Variants in SLC35F1 observed in about 807,000 individuals in gnomAD.
SLC35F1 encodes the protein solute carrier family 35 member F1, also known as chromosome 6 open reading frame 169.
In SLC35F1, 14 loss-of-function variants were observed where a neutral mutation model predicts 48.7. The observed-to-expected ratio is 0.29, with a 90% CI of 0.19 to 0.45. SLC35F1 has a LOEUF of 0.45. Ranked by LOEUF, SLC35F1 falls within the 20% of genes least tolerant of loss-of-function variation. The pLI is 1.00. For missense variants in SLC35F1, 404 were observed against 500.0 expected (o/e 0.81, Z 1.83); for synonymous variants, 190 against 202.2 (o/e 0.94, Z 0.51).
chr6:118,145,026 A>G (rs1422013079), intron 1 of SLC35F1, among the ~76,000 whole-genome samples: 1 of 152,156 alleles, frequency 6.6e-6, no homozygotes, highest in African/African-American at 2.4e-5. Flanking sequence ...TTTTTAGTAT[A>G]TTAGTATTTC....
intron 3 of SLC35F1, among the ~76,000 whole-genome samples, chr6:118,265,655 T>G (rs543891835): frequency 6.6e-6 from 1 of 152,142 alleles, no homozygotes; most frequent in Non-Finnish European, 1.5e-5. Flanking sequence ...GTGGCAGAAG[T>G]GGGAGAGGGT....
chr6:118,269,422 A>G (rs1187127201), intron 4 of SLC35F1, among the ~76,000 whole-genome samples: 2 of 152,176 alleles, frequency 1.3e-5, no homozygotes. Flanking sequence ...AGTACATAGA[A>G]TGATGTTTTA....
intron 1 of SLC35F1, among the ~76,000 whole-genome samples, chr6:118,025,940 G>C (rs1002047396): frequency 3.9e-5 from 6 of 152,162 alleles, no homozygotes; most frequent in Admixed American, 1.3e-4. Flanking sequence ...AACTGTGGTT[G>C]CACCAAATAA....
chr6:117,939,858 C>T (rs1032042945), intron 1 of SLC35F1, among the ~76,000 whole-genome samples: 2 of 152,176 alleles, frequency 1.3e-5, no homozygotes, highest in Non-Finnish European at 2.9e-5. Flanking sequence ...ATCCTTGTTG[C>T]CTGGTGGGGT....
intron 1 of SLC35F1, among the ~76,000 whole-genome samples, chr6:118,038,301 A>C (rs1772163470): frequency 6.6e-6 from 1 of 152,010 alleles, no homozygotes; most frequent in Non-Finnish European, 1.5e-5. Context: ...TTATTCAGTC[A>C]TAGATTTTTT....
intron 1 of SLC35F1, among the ~76,000 whole-genome samples, chr6:117,923,947 CTTTA>C (rs939251431): frequency 6.7e-6 from 1 of 149,712 alleles, no homozygotes; most frequent in Non-Finnish European, 1.5e-5. Flanking sequence ...TAGATTGACA[CTTTA>C]TATATACATA....
intron 1 of SLC35F1, among the ~76,000 whole-genome samples, chr6:118,084,304 A>G (rs1442172386): frequency 6.6e-6 from 1 of 152,140 alleles, no homozygotes; most frequent in Non-Finnish European, 1.5e-5. Context: ...AATTATAATT[A>G]TGTGTATTGC....
At chr6:117,971,046 C>G (rs1334782194) in intron 1 of SLC35F1, among the ~76,000 whole-genome samples, 3 of 152,162 alleles carry the variant, frequency 2.0e-5, no homozygotes, top group African/African-American at 7.2e-5. Flanking sequence ...AAAACCTTAT[C>G]TGAGATAAGG....
intron 4 of SLC35F1, among the ~76,000 whole-genome samples, chr6:118,269,900 G>T (rs1455977413): frequency 6.6e-6 from 1 of 152,100 alleles, no homozygotes; most frequent in Non-Finnish European, 1.5e-5. Context: ...ATGGTGGTGT[G>T]CACCTATAGT....
At chr6:118,182,273 C>A (rs987917717) in intron 2 of SLC35F1, among the ~76,000 whole-genome samples, 7 of 151,428 alleles carry the variant, frequency 4.6e-5, no homozygotes, top group African/African-American at 1.5e-4. Flanking sequence ...ATCACTTGAG[C>A]CCAGGAACTC....
chr6:118,225,076 A>T (rs1470055769), intron 2 of SLC35F1, among the ~76,000 whole-genome samples: 1 of 152,174 alleles, frequency 6.6e-6, no homozygotes, highest in Non-Finnish European at 1.5e-5. Flanking sequence ...GGAAGAATTA[A>T]CACTGTTAAA....
chr6:118,137,133 TAA>T (rs1562301351), intron 1 of SLC35F1, among the ~76,000 whole-genome samples: 1 of 152,186 alleles, frequency 6.6e-6, no homozygotes, highest in African/African-American at 2.4e-5. Flanking sequence ...TCACATCATT[TAA>T]GTGTCTTTTA....
At chr6:117,984,367 C>T (rs1198223282) in intron 1 of SLC35F1, among the ~76,000 whole-genome samples, 5 of 151,900 alleles carry the variant, frequency 3.3e-5, no homozygotes, top group African/African-American at 9.7e-5. Flanking sequence ...GGTGTGGTGG[C>T]GGGTGCCTGT....
chr6:117,937,028 C>T (rs1254270208), intron 1 of SLC35F1, among the ~76,000 whole-genome samples: 1 of 151,728 alleles, frequency 6.6e-6, no homozygotes, highest in Non-Finnish European at 1.5e-5. Context: ...GGATGCCAGA[C>T]ACTTTATGGT....
intron 3 of SLC35F1, among the ~76,000 whole-genome samples, chr6:118,241,445 T>G (rs1175740572): frequency 6.6e-6 from 1 of 152,232 alleles, no homozygotes; most frequent in Non-Finnish European, 1.5e-5. Context: ...TCTATAATCA[T>G]TGTAAAAATA....
At chr6:118,029,080 A>G (rs1175666194) in intron 1 of SLC35F1, among the ~76,000 whole-genome samples, 1 of 151,842 alleles carries the variant, frequency 6.6e-6, no homozygotes, top group African/African-American at 2.4e-5. Flanking sequence ...AAGAGTGTCC[A>G]GAGAACTAGT....
chr6:118,301,164 G>C (rs1448439687), intron 7 of SLC35F1, among the ~76,000 whole-genome samples: 1 of 152,146 alleles, frequency 6.6e-6, no homozygotes, highest in Non-Finnish European at 1.5e-5. Context: ...TGCAGAGCCT[G>C]GCACAGTAGG....
At chr6:118,081,219 C>G (rs1299236219) in intron 1 of SLC35F1, among the ~76,000 whole-genome samples, 1 of 151,950 alleles carries the variant, frequency 6.6e-6, no homozygotes, top group Non-Finnish European at 1.5e-5. Flanking sequence ...TGGGACAAAC[C>G]TTATAGAGAT....
At chr6:117,959,647 G>C (rs761655166) in intron 1 of SLC35F1, among the ~76,000 whole-genome samples, 20 of 152,262 alleles carry the variant, frequency 1.3e-4, no homozygotes, top group Middle Eastern at 6.8e-3. Flanking sequence ...CTTTTTGGAT[G>C]AATAATGTGT....
Sources: allele counts gnomAD v4.1 joint callset (sites outside exome capture counted in the v4.1 genomes callset), GRCh38; gene constraint gnomAD v4.1.1; transcripts MANE v1.5; gene names NCBI Gene and HGNC (gene_info 2026-07-23, HGNC 2026-07-21).